GNL3L: variants seen among roughly 807,000 people sequenced by gnomAD.
GNL3L encodes the protein guanine nucleotide-binding protein-like 3-like protein.
Under a neutral mutation model 42.9 loss-of-function variants are expected in GNL3L, and 4 were observed. The ratio of observed to expected loss-of-function variants is 0.09; its 90% confidence interval spans 0.05 to 0.21. The LOEUF (loss-of-function observed/expected upper bound fraction) is 0.21. GNL3L is among the 10% of genes least tolerant of loss of function. GNL3L has a pLI of 1.00. For missense variants in GNL3L, 412 were observed against 481.7 expected, an observed-to-expected ratio of 0.86 and a Z score of 1.36; for synonymous variants, 159 against 176.3, an observed-to-expected ratio of 0.90 and a Z score of 0.78.
At position 54,565,421 on chromosome X, in the gene GNL3L, G is replaced by A. The variant is rs1394576558; in HGVS notation, c.*4819G>A. ...GCTCTACCATTTCACATTCCCATCA[G>A]TATGAAAGTTTCATTTCCACATCCT... On this transcript the variant is annotated 3_prime_UTR_variant, in exon 16 of 16. Coordinates refer to ENST00000360845, the MANE Select transcript of GNL3L (RefSeq NM_001184819.2). Among the ~76,000 whole-genome samples the A allele has an allele frequency of 8.9e-6, 1 of 112,378 alleles. No individual in the cohort carries two copies. Among genetic ancestry groups the A allele is most frequent in the South Asian group, 3.7e-4 (1 of 2,714 alleles).
chrX:54,564,362 C>CACCCAA lies in GNL3L; in HGVS notation c.*3765_*3770dup, dbSNP rs1173696442. On this transcript the variant is annotated 3_prime_UTR_variant, in exon 16 of 16. Transcript: ENST00000360845. ...CTTTGTAGTCAAAACCAGTCCCCTA[C>CACCCAA]ACCCAAACCCTGGCAGTCACTGGTT... 9.2e-6 allele frequency among the ~76,000 whole-genome samples: 1 copy of CACCCAA among 108,194 alleles called. No homozygotes were observed. Among genetic ancestry groups the CACCCAA allele is most frequent in the Non-Finnish European group, 1.9e-5 (1 of 52,333 alleles). The allele number at this position is 108,194 out of a possible 115,157, so 94.0% of individuals were successfully genotyped here.
At chrX:54,634,895 G>A in the GNL3L span, among the ~76,000 whole-genome samples, 8 of 104,110 alleles carry the variant, frequency 7.7e-5, no homozygotes, top group East Asian at 3.0e-4. Flanking sequence ...GGGTTCAAGC[G>A]ATTCTCCTGC....
At chrX:54,598,056 T>C (rs191140193) in intron 16 of GNL3L, among the ~76,000 whole-genome samples, 8 of 111,651 alleles carry the variant, frequency 7.2e-5, no homozygotes, top group African/African-American at 2.6e-4. Context: ...TATTCTGTTG[T>C]GTGTAGTTAG....
the GNL3L span, among the ~76,000 whole-genome samples, chrX:54,642,694 A>G: frequency 9.0e-6 from 1 of 111,007 alleles, no homozygotes; most frequent in Non-Finnish European, 1.9e-5. Flanking sequence ...ACGCAGTATG[A>G]AATAGCCCAC....
the GNL3L span, among the ~76,000 whole-genome samples, chrX:54,640,013 A>C: frequency 2.7e-5 from 3 of 110,092 alleles, no homozygotes; most frequent in Non-Finnish European, 3.8e-5. Flanking sequence ...GAGCCACCCA[A>C]GAGCTGGTAG....
At chrX:54,573,854 C>CTT (rs59536536) in intron 16 of GNL3L, among the ~76,000 whole-genome samples, 1 of 91,868 alleles carries the variant, frequency 1.1e-5, no homozygotes, top group Non-Finnish European at 2.2e-5. Context: ...TATTTTTCTG[C>CTT]TTTTTTTTTT....
intron 12 of GNL3L, 39 bp from the exon 13 acceptor site, chrX:54,552,253 A>G: frequency 3.4e-6 from 4 of 1,191,592 alleles, no homozygotes; most frequent in Non-Finnish European, 4.6e-6. Flanking sequence ...TGGTTCTCTC[A>G]GTGACAGCAC....
rs1443222730 is a variant in GNL3L at position 54,544,235 on chromosome X, A to G, written c.539A>G (p.Lys180Arg). The change falls in exon 8 of 16, where the codon AAG becomes AGG. Residue 180 changes from lysine to arginine, a missense_variant. Physicochemically the swap from Lys to Arg is conservative, Grantham distance 26. Coordinates refer to ENST00000360845, the MANE Select transcript of GNL3L (RefSeq NM_001184819.2). ...LVLNKIDLVPKEVVEKWLDYL... is the reference protein window; with the variant it reads ...LVLNKIDLVPREVVEKWLDYL... ...ATATTTACCCCAGACCTGGTCCCCA[A>G]GGAGGTTGTGGAGAAATGGCTGGAT... 8.5e-7 allele frequency: 1 copy of G among 1,172,381 alleles called. No homozygotes were observed. The highest frequency in any genetic ancestry group is 1.2e-6 in the Non-Finnish European group (1 of 860,513).
At chrX:54,607,139 T>TTA (rs1476490373) in intron 16 of GNL3L, among the ~76,000 whole-genome samples, 1 of 84,876 alleles carries the variant, frequency 1.2e-5, no homozygotes, top group African/African-American at 5.3e-5. Flanking sequence ...CTTTCTTTCT[T>TTA]TGTCTCTCTC....
chrX:54,603,443 A>G (rs1056026836), intron 16 of GNL3L, among the ~76,000 whole-genome samples: 1 of 112,076 alleles, frequency 8.9e-6, no homozygotes, highest in South Asian at 3.6e-4. Context: ...TGGGATGATA[A>G]ATGAATATTT....
At chrX:54,610,959 T>A (rs1214749134) in intron 16 of GNL3L, among the ~76,000 whole-genome samples, 1 of 111,681 alleles carries the variant, frequency 9.0e-6, no homozygotes, top group East Asian at 2.8e-4. Context: ...AATTCTGCTG[T>A]GAATCTGTCT....
At chrX:54,533,403 A>T (rs1924325726) in intron 2 of GNL3L, among the ~76,000 whole-genome samples, 1 of 110,195 alleles carries the variant, frequency 9.1e-6, no homozygotes, top group Non-Finnish European at 1.9e-5. Flanking sequence ...AAACAAAAAA[A>T]GAAAAGAAAA....
intron 16 of GNL3L, among the ~76,000 whole-genome samples, chrX:54,577,452 G>A (rs768538539): frequency 8.1e-5 from 9 of 111,356 alleles, no homozygotes; most frequent in Non-Finnish European, 1.5e-4. Context: ...GAATACTCAA[G>A]ATTTCTTAAA....
intron 16 of GNL3L, among the ~76,000 whole-genome samples, chrX:54,604,522 A>G (rs1389795028): frequency 9.0e-6 from 1 of 111,116 alleles, no homozygotes; most frequent in Non-Finnish European, 1.9e-5. Flanking sequence ...GGTCTAGGGA[A>G]AGAGCACTCC....
intron 8 of GNL3L, among the ~76,000 whole-genome samples, chrX:54,545,375 T>G (rs67368219): frequency 0.13 from 13,840 of 105,764 alleles, 1,345 homozygotes; most frequent in African/African-American, 0.34. Context: ...AGTTTTGTGT[T>G]TTTTTTTTTT....
chrX:54,539,688 A>G (rs1408847650), intron 3 of GNL3L, among the ~76,000 whole-genome samples: 1 of 111,716 alleles, frequency 9.0e-6, no homozygotes, highest in Non-Finnish European at 1.9e-5. Context: ...CTGGCATGGC[A>G]TCCCATGATT....
chrX:54,550,986 A>T lies in GNL3L; in HGVS notation c.799A>T (p.Ser267Cys). ...AGGTCTTCCCAATGTTGGGAAGAGC[A>T]GCCTGATCAATAGCCTGAAGCGCAG... ...VVGLPNVGKS[S>C]LINSLKRSRA... Residue 267 changes from serine to cysteine, a missense_variant, in exon 10 of 16, where the codon AGC becomes TGC. Coordinates refer to ENST00000360845, the MANE Select transcript of GNL3L (RefSeq NM_001184819.2). 8.7e-7 allele frequency: 1 copy of T among 1,155,263 alleles called. No individual in the cohort carries two copies.
At chrX:54,541,177 T>C in intron 4 of GNL3L, 96 bp from the exon 5 acceptor site, 1 of 555,473 alleles carries the variant, frequency 1.8e-6, no homozygotes, top group East Asian at 3.3e-5. Flanking sequence ...TCCTGCCACC[T>C]CTGCCATGTC....
At chrX:54,592,020 A>ATATCT (rs753810626) in intron 16 of GNL3L, among the ~76,000 whole-genome samples, 4 of 111,414 alleles carry the variant, frequency 3.6e-5, no homozygotes, top group African/African-American at 1.3e-4. Context: ...TCCATTATAG[A>ATATCT]TATCTTTCAC....
Sources: gnomAD v4.1 joint callset for allele counts (sites outside exome capture counted in the v4.1 genomes callset) on GRCh38, gnomAD v4.1.1 for gene constraint, MANE v1.5 for transcripts, NCBI Gene and HGNC (gene_info 2026-07-23, HGNC 2026-07-21) for gene names.